GAB3: variants seen among roughly 807,000 people sequenced by gnomAD.
The protein encoded by GAB3 is GRB2 associated binding protein 3.
In GAB3, 12 loss-of-function variants were observed where a neutral mutation model predicts 40.4. The observed-to-expected ratio is 0.30, with a 90% CI of 0.19 to 0.48. GAB3 has a LOEUF of 0.48. Among genes scored for constraint, GAB3 ranks in the 20% least tolerant of loss-of-function variants. The pLI is 0.99. For missense variants in GAB3, 381 were observed against 461.9 expected (o/e 0.82, Z 1.61); for synonymous variants, 154 against 176.7 (o/e 0.87, Z 1.02).
At chrX:154,746,244 C>G (rs2071528128) in intron 1 of GAB3, among the ~76,000 whole-genome samples, 1 of 111,115 alleles carries the variant, frequency 9.0e-6, no homozygotes, top group African/African-American at 3.3e-5. Context: ...TTTATGATGC[C>G]AGCATTATGC....
intron 4 of GAB3, among the ~76,000 whole-genome samples, chrX:154,701,166 A>G (rs1346272694): frequency 2.7e-5 from 3 of 111,673 alleles, no homozygotes; most frequent in African/African-American, 9.8e-5. Context: ...CCTATTTGTA[A>G]AGTGAAGCCA....
In GAB3 at chrX:154,712,635, A is replaced by G. The variant is rs782354640; in HGVS notation, c.663T>C (p.Asp221=). 2.7e-5 allele frequency: 31 copies of G among 1,138,522 alleles called. No individual in the cohort carries two copies. The South Asian group carries it at 6.5e-4, about 24-fold the overall frequency. 93.8% of individuals were successfully genotyped at this position (1,138,522 alleles called of 1,213,427 possible). A position where few individuals can be genotyped will look rare whatever the true frequency, so the allele number is the denominator to read the frequency against. Residue 221 remains aspartate (D), a synonymous_variant, in exon 4 of 10, where the codon GAT becomes GAC. Coordinates refer to ENST00000424127, the MANE Select transcript of GAB3 (RefSeq NM_001081573.3). ...DRSLEQASFD[D]VFVDCLQPLP... Reference sequence around the variant, plus strand: ...GCGGCTGCAGGCAGTCAACAAAAACATCATCAAATGAAGCCTGTTCCAATG... The same window carrying G: ...GCGGCTGCAGGCAGTCAACAAAAACGTCATCAAATGAAGCCTGTTCCAATG...
chrX:154,734,095 C>T (rs1249836620), intron 1 of GAB3, among the ~76,000 whole-genome samples: 1 of 112,378 alleles, frequency 8.9e-6, no homozygotes, highest in Non-Finnish European at 1.9e-5. Context: ...TTCTCCTGGC[C>T]AAAGACCCTA....
chrX:154,730,315 C>T (rs2071273466), intron 1 of GAB3, among the ~76,000 whole-genome samples: 2 of 112,181 alleles, frequency 1.8e-5, no homozygotes, highest in Admixed American at 9.4e-5. Context: ...GGACAACTTT[C>T]CCCTACCGTG....
rs1446405143 is a variant in GAB3 at position 154,743,011 on chromosome X, TACACACACATAC to T, written c.72+7931_72+7942del. ...ATATATATATATATATATATATATG[TACACACACATAC>T]ACACACACATACCTCAATAAAGCTG... On this transcript the variant is annotated intron_variant, in intron 1 of 9. Coordinates refer to ENST00000424127, the MANE Select transcript of GAB3 (RefSeq NM_001081573.3). Among the ~76,000 whole-genome samples, 4 of 105,271 alleles carry T rather than the reference TACACACACATAC, an allele frequency of 3.8e-5. No homozygotes were observed. In the Admixed American group the frequency reaches 4.1e-4, roughly 11 times the overall value. The allele number at this position is 105,271 out of a possible 115,157, so 91.4% of individuals were successfully genotyped here. A position where few individuals can be genotyped will look rare whatever the true frequency, so the allele number is the denominator to read the frequency against.
intron 1 of GAB3, among the ~76,000 whole-genome samples, chrX:154,744,477 A>T (rs1190083391): frequency 1.8e-5 from 2 of 112,201 alleles, no homozygotes; most frequent in Non-Finnish European, 3.8e-5. Context: ...CCCCAAGAAA[A>T]CATAGTAGTT....
rs781874254 is a variant in GAB3 at position 154,712,718 on chromosome X, T to C, written c.597-17A>G. 4 of 1,050,122 alleles carry C rather than the reference T, an allele frequency of 3.8e-6. No individual in the cohort carries two copies. Among genetic ancestry groups the C allele is most frequent in the East Asian group, 3.1e-5 (1 of 31,883 alleles). The allele number at this position is 1,050,122 out of a possible 1,213,427, so 86.5% of individuals were successfully genotyped here. ...GTGGGTAGACTGGGGAAGAAAAGCATGTAAGTTGGACTAAAATGCAGCCAT... is the reference window on the plus strand; with the variant it reads ...GTGGGTAGACTGGGGAAGAAAAGCACGTAAGTTGGACTAAAATGCAGCCAT... On this transcript the variant is annotated splice_polypyrimidine_tract_variant and intron_variant, in intron 3 of 9. Coordinates refer to ENST00000424127, the MANE Select transcript of GAB3 (RefSeq NM_001081573.3).
chrX:154,747,333 T>A (rs1281039599), intron 1 of GAB3, among the ~76,000 whole-genome samples: 1 of 112,259 alleles, frequency 8.9e-6, no homozygotes, highest in Non-Finnish European at 1.9e-5. Flanking sequence ...TGATGATGTT[T>A]CAAAAGTAAA....
chrX:154,713,801 T>C (rs1380062810), intron 2 of GAB3, among the ~76,000 whole-genome samples: 3 of 73,844 alleles, frequency 4.1e-5, no homozygotes, highest in African/African-American at 9.2e-5. Flanking sequence ...AACAAGTACA[T>C]GCATATAGTT....
At chrX:154,686,583 A>C (rs891756261) in intron 8 of GAB3, among the ~76,000 whole-genome samples, 2 of 109,614 alleles carry the variant, frequency 1.8e-5, no homozygotes, top group Non-Finnish European at 3.8e-5. Flanking sequence ...CACAGCTACT[A>C]TGCATGGTTA....
intron 1 of GAB3, among the ~76,000 whole-genome samples, chrX:154,748,786 C>T (rs2071566545): frequency 8.9e-6 from 1 of 111,876 alleles, no homozygotes; most frequent in Non-Finnish European, 1.9e-5. Flanking sequence ...TCTGTCTTCC[C>T]AGCCTGTAAC....
intron 7 of GAB3, 71 bp downstream of exon 7, chrX:154,697,061 A>G (rs1334770429): frequency 5.6e-6 from 5 of 891,852 alleles, no homozygotes; most frequent in African/African-American, 2.0e-5. Context: ...CTTCAACTAC[A>G]TTTAATCAGA....
intron 9 of GAB3, among the ~76,000 whole-genome samples, chrX:154,679,722 C>T (rs1181561284): frequency 2.7e-5 from 3 of 111,860 alleles, no homozygotes; most frequent in African/African-American, 9.8e-5. Flanking sequence ...CCCAACTCAG[C>T]ATTCAAGGCC....
At chrX:154,720,626 CAAAAAAAAAAAAA>C (rs782047643) in intron 1 of GAB3, among the ~76,000 whole-genome samples, 1 of 30,806 alleles carries the variant, frequency 3.2e-5, no homozygotes, top group Non-Finnish European at 6.1e-5. Context: ...GACTCCGTCT[CAAAAAAAAAAAAA>C]AAAAAAAAAA....
At chrX:154,703,397 A>G (rs56952295) in intron 4 of GAB3, among the ~76,000 whole-genome samples, 2,237 of 111,870 alleles carry the variant, frequency 0.02, 62 homozygotes, top group African/African-American at 0.07. Flanking sequence ...AACTAACGCA[A>G]TAACAGAAAA....
At chrX:154,731,247 T>C (rs1298218754) in intron 1 of GAB3, among the ~76,000 whole-genome samples, 4 of 111,932 alleles carry the variant, frequency 3.6e-5, no homozygotes, top group African/African-American at 9.8e-5. Flanking sequence ...GTTGAAACCA[T>C]GGGCCAAAAC....
chrX:154,697,824 G>A (rs189011275), intron 6 of GAB3, among the ~76,000 whole-genome samples: 52 of 112,366 alleles, frequency 4.6e-4, no homozygotes, highest in African/African-American at 1.6e-3. Context: ...GAATAGGGGT[G>A]TATCTGGTTT....
At chrX:154,737,424 G>T (rs1228680415) in intron 1 of GAB3, among the ~76,000 whole-genome samples, 1 of 110,858 alleles carries the variant, frequency 9.0e-6, no homozygotes, top group African/African-American at 3.3e-5. Context: ...CCAAAATTCT[G>T]CCCTAGGTCC....
intron 4 of GAB3, among the ~76,000 whole-genome samples, chrX:154,709,372 G>C (rs1219738016): frequency 9.5e-6 from 1 of 105,458 alleles, no homozygotes; most frequent in Non-Finnish European, 1.9e-5. Flanking sequence ...CCAGACTGGA[G>C]TGCAGTGGTG....
Sources: allele counts gnomAD v4.1 joint callset (sites outside exome capture counted in the v4.1 genomes callset), GRCh38; gene constraint gnomAD v4.1.1; transcripts MANE v1.5; gene names NCBI Gene and HGNC (gene_info 2026-07-23, HGNC 2026-07-21).